The following POLA1 variants were observed in gnomAD, a reference collection of about 807,000 sequenced individuals.
The protein encoded by POLA1 is DNA polymerase alpha 1, catalytic subunit, also known as DNA polymerase alpha catalytic subunit.
In POLA1, 15 loss-of-function variants were observed where a neutral mutation model predicts 124.0. The ratio of observed to expected loss-of-function variants is 0.12; its 90% CI spans 0.08 to 0.19. The LOEUF (loss-of-function observed/expected upper bound fraction) is 0.19. Ranked by LOEUF, POLA1 falls within the 10% of genes least tolerant of loss-of-function variation. The probability of loss-of-function intolerance (pLI) is 1.00; values close to 1 mark genes in which losing one functional copy is unlikely to be tolerated. For missense variants in POLA1, 886 were observed against 1,103.4 expected, an observed-to-expected ratio of 0.80 and a Z score of 2.79; for synonymous variants, 408 against 389.4, an observed-to-expected ratio of 1.05 and a Z score of -0.56.
chrX:24,724,972 TTAA>T lies in POLA1; in HGVS notation c.1317+526_1317+528del, dbSNP rs756844246. 7.6e-4 allele frequency among the ~76,000 whole-genome samples: 85 copies of T among 111,613 alleles called. 1 individual carries two copies. In the South Asian group the frequency reaches 0.03, roughly 40 times the overall value. On this transcript the variant is annotated intron_variant, in intron 12 of 36. Coordinates refer to ENST00000379068, the MANE Select transcript of POLA1 (RefSeq NM_001330360.2). ...TATAGCCTGCTCAAAATACTGGCTA[TTAA>T]TAATGATCGCAGGAAGGATTGAGTT...
intron 12 of POLA1, 31 bp from the exon 13 acceptor site, chrX:24,725,950 T>C: frequency 3.1e-6 from 3 of 964,842 alleles, no homozygotes; most frequent in Non-Finnish European, 1.5e-6. Flanking sequence ...GTTTTTGTCT[T>C]AAGGATTTTT....
intron 13 of POLA1, among the ~76,000 whole-genome samples, chrX:24,726,593 G>T (rs1313214102): frequency 8.9e-6 from 1 of 112,601 alleles, no homozygotes; most frequent in Non-Finnish European, 1.9e-5. Context: ...GTTCCACTCT[G>T]TTGCTTTCAT....
At chrX:24,721,348 G>A (rs1200050328) in intron 10 of POLA1, among the ~76,000 whole-genome samples, 2 of 111,716 alleles carry the variant, frequency 1.8e-5, no homozygotes, top group African/African-American at 6.5e-5. Context: ...TGGTTCCGTG[G>A]TACTTCTCAA....
At chrX:24,984,850 C>T (rs2048463537) in intron 36 of POLA1, among the ~76,000 whole-genome samples, 2 of 109,528 alleles carry the variant, frequency 1.8e-5, no homozygotes, top group South Asian at 8.0e-4. Context: ...TTAGTAGAGA[C>T]GGGGTTTCAC....
intron 18 of POLA1, 96 bp downstream of exon 18, chrX:24,735,584 T>G: frequency 1.9e-6 from 1 of 521,752 alleles, no homozygotes. Flanking sequence ...AAATAATCTT[T>G]TCAGAGTAAA....
chrX:24,808,395 C>A (rs1416526891), intron 26 of POLA1, among the ~76,000 whole-genome samples: 2 of 112,524 alleles, frequency 1.8e-5, no homozygotes, highest in Non-Finnish European at 3.8e-5. Flanking sequence ...TTCACATGCT[C>A]ACGCCTAAAC....
intron 17 of POLA1, among the ~76,000 whole-genome samples, chrX:24,734,543 G>A (rs1232703982): frequency 1.8e-5 from 2 of 111,586 alleles, no homozygotes; most frequent in Non-Finnish European, 3.8e-5. Flanking sequence ...GGTACTGTTA[G>A]ATTAGGCTAT....
chrX:24,791,659 C>G (rs934608923), intron 26 of POLA1, among the ~76,000 whole-genome samples: 6 of 112,624 alleles, frequency 5.3e-5, no homozygotes, highest in Non-Finnish European at 1.1e-4. Flanking sequence ...GCTGGGATTA[C>G]AGGCGTGAGC....
chrX:24,940,759 T>A (rs770998723), intron 36 of POLA1, among the ~76,000 whole-genome samples: 100 of 112,406 alleles, frequency 8.9e-4, no homozygotes, highest in Non-Finnish European at 1.5e-3. Flanking sequence ...TAAAACTTTC[T>A]AACGAAACAC....
intron 26 of POLA1, among the ~76,000 whole-genome samples, chrX:24,753,942 G>A (rs1032867918): frequency 3.6e-5 from 4 of 111,885 alleles, no homozygotes; most frequent in Non-Finnish European, 7.5e-5. Context: ...CCAGTTGGTC[G>A]TAGACTGCCT....
At chrX:24,955,476 G>C (rs1326372923) in intron 36 of POLA1, among the ~76,000 whole-genome samples, 1 of 111,318 alleles carries the variant, frequency 9.0e-6, no homozygotes, top group Non-Finnish European at 1.9e-5. Context: ...CACCACACCA[G>C]CCCAGAGCAG....
chrX:24,728,277 T>C (rs1317401612), intron 15 of POLA1, among the ~76,000 whole-genome samples: 1 of 112,405 alleles, frequency 8.9e-6, no homozygotes, highest in Non-Finnish European at 1.9e-5. Context: ...CTCCTTTTTT[T>C]CTTCTTGAAG....
intron 26 of POLA1, among the ~76,000 whole-genome samples, chrX:24,782,871 A>T (rs985389080): frequency 9.0e-5 from 10 of 111,424 alleles, no homozygotes; most frequent in African/African-American, 2.9e-4. Context: ...TAGTAAATGT[A>T]ATAAATAGCT....
intron 34 of POLA1, among the ~76,000 whole-genome samples, chrX:24,844,531 G>C (rs2046451609): frequency 9.2e-6 from 1 of 108,491 alleles, no homozygotes; most frequent in Non-Finnish European, 1.9e-5. Flanking sequence ...TCTAAAGATT[G>C]TTCTGTACTT....
chrX:24,892,787 G>A (rs771631262), intron 35 of POLA1, among the ~76,000 whole-genome samples: 1 of 111,937 alleles, frequency 8.9e-6, no homozygotes, highest in African/African-American at 3.2e-5. Context: ...TAGTCCCTGG[G>A]GCAGGAGCAG....
chrX:24,923,869 T>A (rs1021455452), intron 35 of POLA1, among the ~76,000 whole-genome samples: 3 of 111,819 alleles, frequency 2.7e-5, no homozygotes, highest in Non-Finnish European at 5.6e-5. Context: ...GCAAATAAAA[T>A]AGATAGAAAA....
chrX:24,890,433 G>A (rs1237829294), intron 35 of POLA1, among the ~76,000 whole-genome samples: 1 of 111,079 alleles, frequency 9.0e-6, no homozygotes, highest in Non-Finnish European at 1.9e-5. Flanking sequence ...CCTTTCATTG[G>A]GCATTTTAGG....
chrX:24,931,181 GT>G (rs375917254), intron 36 of POLA1, among the ~76,000 whole-genome samples: 10,870 of 106,323 alleles, frequency 0.1, 462 homozygotes, highest in Middle Eastern at 0.15. Context: ...CTGCATGTTT[GT>G]TTTTTTTTTC....
intron 35 of POLA1, among the ~76,000 whole-genome samples, chrX:24,913,901 G>T (rs183981133): frequency 9.3e-6 from 1 of 107,769 alleles, no homozygotes; most frequent in African/African-American, 3.4e-5. Context: ...GGTGGCATGC[G>T]TGTGTAATCC....
Sources: allele counts gnomAD v4.1 joint callset (sites outside exome capture counted in the v4.1 genomes callset), GRCh38; gene constraint gnomAD v4.1.1; transcripts MANE v1.5; gene names NCBI Gene and HGNC (gene_info 2026-07-23, HGNC 2026-07-21).